Variants in C19orf25 observed in about 807,000 individuals in gnomAD.
C19orf25 encodes chromosome 19 open reading frame 25.
Under a neutral mutation model 3.1 loss-of-function variants are expected in C19orf25, and 1 was observed. The ratio of observed to expected loss-of-function variants is 0.32; its 90% CI spans 0.12 to 1.54. The LOEUF (loss-of-function observed/expected upper bound fraction) is 1.54. C19orf25 is among the 40% of genes most tolerant of loss of function. The pLI, the probability that C19orf25 is intolerant of heterozygous loss-of-function variation, is 0.38. For missense variants in C19orf25, 196 were observed against 160.4 expected (o/e 1.22, Z -1.20); for synonymous variants, 91 against 74.3 (o/e 1.23, Z -1.16).
chr19:1,476,948 T>C (rs2084211210), intron 2 of C19orf25, among the ~76,000 whole-genome samples: 1 of 151,822 alleles, frequency 6.6e-6, no homozygotes, highest in Non-Finnish European at 1.5e-5. Flanking sequence ...TTTAAAAATG[T>C]TCCCTTAGAA....
At position 1,478,748 on chromosome 19, in the gene C19orf25, T is replaced by C. The variant is rs189124337; in HGVS notation, c.130+26A>G. On this transcript the variant is annotated intron_variant, in intron 2 of 2. Coordinates refer to ENST00000585675, the MANE Select transcript of C19orf25 (RefSeq NM_152482.3). ...TTGCTGCCGGGGTCTCAGGTCCGCT[T>C]TTCCCCGGGACCGGGCTCCCCCTAC... The C allele has an allele frequency of 1.2e-3, 1,808 of 1,548,442 alleles. 21 individuals are homozygous for C. In the African/African-American group the frequency reaches 0.022, roughly 19 times the overall value.
chr19:1,476,799 T>C (rs2084209833), intron 2 of C19orf25, among the ~76,000 whole-genome samples: 1 of 151,884 alleles, frequency 6.6e-6, no homozygotes, highest in Non-Finnish European at 1.5e-5. Flanking sequence ...GTATTTTTGG[T>C]AGATATAGGT....
At chr19:1,477,101 G>A (rs1311105337) in intron 2 of C19orf25, among the ~76,000 whole-genome samples, 1 of 152,004 alleles carries the variant, frequency 6.6e-6, no homozygotes, top group Non-Finnish European at 1.5e-5. Flanking sequence ...CTGGGTTCAA[G>A]CAATTCTCCT....
chr19:1,476,590 T>C (rs1461037248), intron 2 of C19orf25: 5 of 324,508 alleles, frequency 1.5e-5, no homozygotes, highest in Non-Finnish European at 2.8e-5. Context: ...CCACCAGCCA[T>C]GTGTGGCTCC....
rs756083708 is a variant in C19orf25, at chr19:1,474,873, C to T, written c.*159G>A. ...TCCCACCAACTCGGCATGAATGAGA[C>T]GACGGATGAACCGCAGCCCCAGCAT... On this transcript the variant is annotated 3_prime_UTR_variant, in exon 3 of 3. Coordinates refer to ENST00000585675, the MANE Select transcript of C19orf25 (RefSeq NM_152482.3). The T allele has an allele frequency of 2.8e-5, 42 of 1,493,606 alleles. No homozygotes were observed. Among genetic ancestry groups the T allele is most frequent in the African/African-American group, 2.6e-4 (19 of 71,838 alleles). 92.5% of individuals were successfully genotyped at this position (1,493,606 alleles called of 1,614,324 possible).
Position 1,474,037 on chromosome 19 carries a change from G to A in C19orf25, c.*995C>T, listed in dbSNP as rs993720052. The stretch of plus-strand genomic sequence containing the variant: ...GAGGGTGAGGCAGCCCCAGGTCTCT[G>A]GGTCAGGCGGACGGTCCCTGCATGC... On this transcript the variant is annotated 3_prime_UTR_variant, in exon 3 of 3. Transcript: ENST00000585675. 5 of 152,318 alleles carry A rather than the reference G, an allele frequency of 3.3e-5. No homozygotes were observed. The highest frequency in any genetic ancestry group is 1.2e-4 in the African/African-American group (5 of 41,462). 9.4% of individuals were successfully genotyped at this position (152,318 alleles called of 1,614,324 possible).
At chr19:1,475,985 C>T in intron 2 of C19orf25, 1 of 388,084 alleles carries the variant, frequency 2.6e-6, no homozygotes, top group African/African-American at 2.1e-5. Context: ...AAGCCCGCCA[C>T]CGAAAACCTC....
At chr19:1,476,503 A>C in intron 2 of C19orf25, 5 of 381,948 alleles carry the variant, frequency 1.3e-5, no homozygotes, top group Non-Finnish European at 9.3e-6. Context: ...AAACCAACTC[A>C]TGCACCTTGA....
chr19:1,476,886 G>A (rs1215424312), intron 2 of C19orf25, among the ~76,000 whole-genome samples: 3 of 152,164 alleles, frequency 2.0e-5, no homozygotes, highest in South Asian at 2.1e-4. Flanking sequence ...AAAGTCCTGG[G>A]ATTACAGGCA....
intron 2 of C19orf25, among the ~76,000 whole-genome samples, chr19:1,477,178 T>C (rs912896409): frequency 1.3e-5 from 2 of 152,104 alleles, no homozygotes; most frequent in African/African-American, 4.8e-5. Context: ...GTTTTTGTAT[T>C]CTCAGTAGAG....
At chr19:1,476,383 C>G in intron 2 of C19orf25, 1 of 398,180 alleles carries the variant, frequency 2.5e-6, no homozygotes, top group Non-Finnish European at 4.4e-6. Flanking sequence ...CCCCCGTCCC[C>G]CGCACAGCGT....
Position 1,475,267 on chromosome 19 carries a change from G to C in C19orf25, c.131-9C>G, listed in dbSNP as rs897891785. The C allele has an allele frequency of 7.2e-6, 11 of 1,537,154 alleles. No homozygotes were observed. The South Asian group carries it at 7.2e-5, about 10-fold the overall frequency. On this transcript the variant is annotated splice_polypyrimidine_tract_variant and intron_variant, in intron 2 of 2. Coordinates refer to ENST00000585675, the MANE Select transcript of C19orf25 (RefSeq NM_152482.3). ...GAAGGGAACTGGGGGGTCTGAGACA[G>C]GACACAGCAGCATCACTGCCTGCTG...
At chr19:1,478,597 C>G (rs2084230315) in intron 2 of C19orf25, 177 bp downstream of exon 2, 2 of 1,401,548 alleles carry the variant, frequency 1.4e-6, no homozygotes, top group East Asian at 2.9e-5. Flanking sequence ...GAAGAACCCT[C>G]TGAAAATCGG....
chr19:1,476,608 T>C (rs1271248046), intron 2 of C19orf25: 1 of 294,638 alleles, frequency 3.4e-6, no homozygotes, highest in Non-Finnish European at 6.3e-6. Flanking sequence ...TCCTGGGCAC[T>C]TGAAATATGT....
At chr19:1,476,468 G>A (rs1052440164) in intron 2 of C19orf25, 4 of 394,458 alleles carry the variant, frequency 1.0e-5, no homozygotes, top group African/African-American at 4.1e-5. Flanking sequence ...GCACCCTCAG[G>A]TGACCGAACT....
rs1318218952 is a variant in C19orf25, at chr19:1,478,790, G to A, written c.114C>T (p.Thr38=). The part of the protein sequence containing the change: ...RGAPAEDPVF[T]ILAPEDPPVP... ...TCCCCCTACCTTCCGGGGCCAGGAT[G>A]GTGAACACTGGATCCTCTGCCGGCG... is the stretch of plus-strand genomic sequence containing the variant. The change falls in exon 2 of 3, where the codon ACC becomes ACT. Residue 38 remains threonine (T), a synonymous_variant. Transcript: ENST00000585675. 3 of 1,579,058 alleles carry A rather than the reference G, an allele frequency of 1.9e-6. No homozygotes were observed. Among genetic ancestry groups the A allele is most frequent in the African/African-American group, 1.4e-5 (1 of 73,884 alleles).
Position 1,478,759 on chromosome 19 carries a change from C to A in C19orf25, c.130+15G>T. 1.9e-6 allele frequency: 3 copies of A among 1,555,436 alleles called. No individual in the cohort carries two copies. The highest frequency in any genetic ancestry group is 2.4e-5 in the South Asian group (2 of 84,582). ...GTCTCAGGTCCGCTTTTCCCCGGGACCGGGCTCCCCCTACCTTCCGGGGCC... is the reference window on the plus strand; with the variant it reads ...GTCTCAGGTCCGCTTTTCCCCGGGAACGGGCTCCCCCTACCTTCCGGGGCC... On this transcript the variant is annotated intron_variant, in intron 2 of 2. Coordinates refer to ENST00000585675, the MANE Select transcript of C19orf25 (RefSeq NM_152482.3).
In C19orf25 at chr19:1,479,157, T is replaced by C. The variant is rs1271886567; in HGVS notation, c.-3+6A>G. The C allele has an allele frequency of 3.1e-6, 4 of 1,280,986 alleles. No homozygotes were observed. In the African/African-American group the frequency reaches 4.7e-5, roughly 15 times the overall value. The allele number at this position is 1,280,986 out of a possible 1,614,324, so 79.4% of individuals were successfully genotyped here. On this transcript the variant is annotated splice_donor_region_variant and intron_variant, in intron 1 of 2. Transcript: ENST00000585675. Reference sequence around the variant, plus strand: ...GCGGTCACCCCAGTCGCCGGCCTCTTCCCACCTGGGCGCGGGACCCGAAAG... The same window carrying C: ...GCGGTCACCCCAGTCGCCGGCCTCTCCCCACCTGGGCGCGGGACCCGAAAG...
intron 2 of C19orf25, chr19:1,476,282 CCT>C (rs555460472): frequency 2.5e-5 from 10 of 398,590 alleles, no homozygotes; most frequent in African/African-American, 8.2e-5. Context: ...GATCAAATCA[CCT>C]CTGTCATCAC....
Sources: allele counts gnomAD v4.1 joint callset (sites outside exome capture counted in the v4.1 genomes callset), GRCh38; gene constraint gnomAD v4.1.1; transcripts MANE v1.5; gene names NCBI Gene and HGNC (gene_info 2026-07-23, HGNC 2026-07-21).